The following GALNT14 variants were observed in gnomAD, a reference collection of about 807,000 sequenced individuals.
GALNT14 encodes the protein polypeptide N-acetylgalactosaminyltransferase 14.
GALNT14 carries 60 observed loss-of-function variants against 77.5 expected under a neutral mutation model. That is an observed-to-expected ratio of 0.77 (90% CI 0.63 to 0.96). The LOEUF (loss-of-function observed/expected upper bound fraction) is 0.96. Among genes scored for constraint, GALNT14 ranks in the 40% least tolerant of loss-of-function variants. GALNT14 has a pLI of 0.00. For missense variants in GALNT14, 710 were observed against 731.0 expected (o/e 0.97, Z 0.33); for synonymous variants, 280 against 281.7 (o/e 0.99, Z 0.06).
At chr2:30,985,150 GTGAATGAA>G (rs58766997) in intron 2 of GALNT14, among the ~76,000 whole-genome samples, 2 of 151,186 alleles carry the variant, frequency 1.3e-5, no homozygotes, top group African/African-American at 4.9e-5. Flanking sequence ...AAATGAGTGA[GTGAATGAA>G]TGAATGAATG....
the GALNT14 span, among the ~76,000 whole-genome samples, chr2:30,903,582 C>A: frequency 6.6e-6 from 1 of 152,216 alleles, no homozygotes; most frequent in African/African-American, 2.4e-5. Flanking sequence ...ATCCTGCCAA[C>A]AACTGCTGAG....
intron 1 of GALNT14, among the ~76,000 whole-genome samples, chr2:31,096,829 T>A (rs1161754268): frequency 6.6e-6 from 1 of 152,030 alleles, no homozygotes; most frequent in Non-Finnish European, 1.5e-5. Flanking sequence ...ACCACCACCA[T>A]CCAACCACAT....
intron 1 of GALNT14, among the ~76,000 whole-genome samples, chr2:31,084,554 T>A (rs1297642993): frequency 6.6e-6 from 1 of 152,036 alleles, no homozygotes; most frequent in Non-Finnish European, 1.5e-5. Flanking sequence ...TGGAGTGGGG[T>A]ATATTCTTGG....
intron 13 of GALNT14, among the ~76,000 whole-genome samples, chr2:30,915,398 A>T (rs1664615901): frequency 6.6e-6 from 1 of 152,188 alleles, no homozygotes; most frequent in Non-Finnish European, 1.5e-5. Context: ...TGGACTTTCC[A>T]TTAGCTGGTA....
chr2:31,078,089 G>C (rs1573312680), intron 1 of GALNT14, among the ~76,000 whole-genome samples: 1 of 152,238 alleles, frequency 6.6e-6, no homozygotes, highest in African/African-American at 2.4e-5. Context: ...AATGGAAAGA[G>C]GCAAAGGTGA....
rs539495253 is a variant in GALNT14 at position 31,010,504 on chromosome 2, A to G, written c.130-17497T>C. The stretch of plus-strand genomic sequence containing the variant: ...GTGGTGAGCACCTGTAGTCCCAGCT[A>G]CTTGGGAGGCTGAGGCAGGAGAATG... On this transcript the variant is annotated intron_variant, in intron 1 of 14. Transcript: ENST00000349752. 2.6e-5 allele frequency among the ~76,000 whole-genome samples: 4 copies of G among 152,328 alleles called. No homozygotes were observed. In the East Asian group the frequency reaches 7.7e-4, roughly 29 times the overall value.
chr2:30,944,787 G>T, intron 8 of GALNT14, 71 bp downstream of exon 8: 2 of 1,170,204 alleles, frequency 1.7e-6, no homozygotes, highest in Non-Finnish European at 2.4e-6. Context: ...CTGATATTGA[G>T]CACCTCCCTA....
At chr2:31,118,226 G>A (rs938846820) in intron 1 of GALNT14, among the ~76,000 whole-genome samples, 27 of 152,014 alleles carry the variant, frequency 1.8e-4, no homozygotes, top group South Asian at 4.1e-4. Context: ...ATAAATCGGC[G>A]AAAGTTATTT....
At chr2:30,931,022 C>A (rs1446032483) in intron 10 of GALNT14, among the ~76,000 whole-genome samples, 1 of 152,262 alleles carries the variant, frequency 6.6e-6, no homozygotes, top group Non-Finnish European at 1.5e-5. Flanking sequence ...AGAGCCACCA[C>A]TTCCCTGTGC....
intron 1 of GALNT14, among the ~76,000 whole-genome samples, chr2:31,106,954 G>C (rs1677589025): frequency 6.6e-6 from 1 of 152,204 alleles, no homozygotes; most frequent in African/African-American, 2.4e-5. Flanking sequence ...CTAATGACTA[G>C]AAAGAGGCAC....
At chr2:31,048,392 G>A (rs1673616814) in intron 1 of GALNT14, among the ~76,000 whole-genome samples, 1 of 152,202 alleles carries the variant, frequency 6.6e-6, no homozygotes, top group African/African-American at 2.4e-5. Context: ...AGCCTGATCA[G>A]GTAGTTCAGC....
In GALNT14 at chr2:30,944,896, C is replaced by T. The variant is rs762711851; in HGVS notation, c.789G>A (p.Glu263=). ...TGGGGTCCAGGCGCCGAGCCTTCTG[C>T]TCTGGGGAGAGCTGCTCCCACTGGA... ...LHFQWEQLSP[E]QKARRLDPTE... is the part of the protein sequence containing the mutation. The change falls in exon 8 of 15, where the codon GAG becomes GAA. Residue 263 remains glutamate (E), a synonymous_variant. Transcript: ENST00000349752. 1.1e-5 allele frequency: 18 copies of T among 1,611,422 alleles called. No individual in the cohort carries two copies. The highest frequency in any genetic ancestry group is 1.3e-5 in the Non-Finnish European group (15 of 1,178,260).
intron 1 of GALNT14, among the ~76,000 whole-genome samples, chr2:31,028,070 A>G (rs1393371138): frequency 6.6e-6 from 1 of 152,084 alleles, no homozygotes; most frequent in Non-Finnish European, 1.5e-5. Flanking sequence ...CCCCATCTTT[A>G]ATGCTAAATA....
intron 6 of GALNT14, among the ~76,000 whole-genome samples, chr2:30,948,673 T>C (rs1288696536): frequency 1.3e-5 from 2 of 152,352 alleles, no homozygotes; most frequent in East Asian, 3.9e-4. Context: ...ACTCTTCCTG[T>C]GCACCTTTAC....
chr2:30,913,348 C>G (rs1048473692), intron 13 of GALNT14, among the ~76,000 whole-genome samples: 1 of 152,150 alleles, frequency 6.6e-6, no homozygotes, highest in African/African-American at 2.4e-5. Context: ...CAAGTTGACC[C>G]TGAGCCTCTG....
At chr2:30,951,004 T>TG (rs1329395999) in intron 6 of GALNT14, among the ~76,000 whole-genome samples, 9 of 152,206 alleles carry the variant, frequency 5.9e-5, no homozygotes, top group Non-Finnish European at 1.3e-4. Flanking sequence ...AAAATCAGCC[T>TG]GGGGGTCCCT....
intron 1 of GALNT14, among the ~76,000 whole-genome samples, chr2:31,089,363 G>GGCTT (rs1043315910): frequency 1.1e-4 from 16 of 152,082 alleles, no homozygotes; most frequent in African/African-American, 3.9e-4. Flanking sequence ...ATGCTGAGGA[G>GGCTT]GCTTAATAAT....
At chr2:31,032,016 T>C (rs1672445010) in intron 1 of GALNT14, among the ~76,000 whole-genome samples, 1 of 152,220 alleles carries the variant, frequency 6.6e-6, no homozygotes, top group Admixed American at 6.5e-5. Flanking sequence ...TGCCTCCACT[T>C]GGAAGGAGGC....
At chr2:31,107,334 C>T (rs1425500859) in intron 1 of GALNT14, among the ~76,000 whole-genome samples, 1 of 152,114 alleles carries the variant, frequency 6.6e-6, no homozygotes, top group Admixed American at 6.6e-5. Context: ...TTTTCTGGCA[C>T]TCTTTGCCAC....
Sources: allele counts gnomAD v4.1 joint callset (sites outside exome capture counted in the v4.1 genomes callset), GRCh38; gene constraint gnomAD v4.1.1; transcripts MANE v1.5; gene names NCBI Gene and HGNC (gene_info 2026-07-23, HGNC 2026-07-21).